Variants in MAN1A1 observed in about 807,000 individuals in gnomAD.
The protein encoded by MAN1A1 is mannosyl-oligosaccharide 1,2-alpha-mannosidase IA.
MAN1A1 carries 29 observed loss-of-function variants against 70.8 expected under a neutral mutation model. The observed-to-expected ratio is 0.41, with a 90% CI of 0.31 to 0.56. The LOEUF (loss-of-function observed/expected upper bound fraction) is 0.56, where lower values mean the gene tolerates loss of function less well. Ranked by LOEUF, MAN1A1 falls within the 20% of genes least tolerant of loss-of-function variation. MAN1A1 has a pLI of 0.29. For synonymous variants in MAN1A1, 349 were observed against 330.1 expected (o/e 1.06, Z -0.62); for missense variants, 747 against 841.3 (o/e 0.89, Z 1.39).
chr6:119,315,753 C>G (rs1772833461), intron 2 of MAN1A1, among the ~76,000 whole-genome samples: 1 of 152,164 alleles, frequency 6.6e-6, no homozygotes, highest in Non-Finnish European at 1.5e-5. Context: ...GAAGGAAGCA[C>G]TATTGCTGAG....
chr6:119,311,294 T>C (rs1026834751), intron 2 of MAN1A1, among the ~76,000 whole-genome samples: 11 of 152,116 alleles, frequency 7.2e-5, no homozygotes, highest in Non-Finnish European at 1.2e-4. Flanking sequence ...AACACATAAA[T>C]AGGAGGGACA....
At chr6:119,243,651 T>A (rs1775071765) in intron 6 of MAN1A1, among the ~76,000 whole-genome samples, 2 of 152,112 alleles carry the variant, frequency 1.3e-5, no homozygotes, top group African/African-American at 4.8e-5. Context: ...TATGTACTAT[T>A]CTTAATTAAA....
chr6:119,223,341 C>T (rs1463425793), intron 6 of MAN1A1, among the ~76,000 whole-genome samples: 1 of 151,934 alleles, frequency 6.6e-6, no homozygotes, highest in Non-Finnish European at 1.5e-5. Context: ...GCTTATAAAA[C>T]AAATCAAATA....
At chr6:119,292,101 T>A (rs1772046846) in intron 4 of MAN1A1, among the ~76,000 whole-genome samples, 1 of 152,062 alleles carries the variant, frequency 6.6e-6, no homozygotes, top group African/African-American at 2.4e-5. Flanking sequence ...CCTCACAGGA[T>A]AATGCACCAA....
chr6:119,252,072 CTTGT>C (rs1775333064), intron 5 of MAN1A1, among the ~76,000 whole-genome samples: 1 of 151,924 alleles, frequency 6.6e-6, no homozygotes, highest in African/African-American at 2.4e-5. Context: ...ATTTTATTTG[CTTGT>C]TTATTGTTTG....
chr6:119,291,809 C>T (rs1772032956), intron 4 of MAN1A1, among the ~76,000 whole-genome samples: 2 of 151,940 alleles, frequency 1.3e-5, no homozygotes, highest in African/African-American at 4.8e-5. Flanking sequence ...GTATGTTATA[C>T]CATGCTGAAA....
chr6:119,210,516 C>T (rs992603018), intron 6 of MAN1A1, among the ~76,000 whole-genome samples: 1 of 152,156 alleles, frequency 6.6e-6, no homozygotes, highest in Non-Finnish European at 1.5e-5. Flanking sequence ...ATCATTATTG[C>T]TGTTGAGTGC....
chr6:119,214,931 A>T (rs1246490371), intron 6 of MAN1A1, among the ~76,000 whole-genome samples: 1 of 72,356 alleles, frequency 1.4e-5, no homozygotes, highest in Non-Finnish European at 3.2e-5. Flanking sequence ...AGCATTATAA[A>T]ATGCTAAAAT....
chr6:119,349,450 T>A, intron 1 of MAN1A1, 92 bp downstream of exon 1: 1 of 923,680 alleles, frequency 1.1e-6, no homozygotes, highest in Non-Finnish European at 1.3e-6. Flanking sequence ...GGACTTGGGG[T>A]GAAGTTATCA....
intron 7 of MAN1A1, 37 bp from the exon 8 acceptor site, chr6:119,201,384 A>G (rs1346629250): frequency 7.0e-7 from 1 of 1,435,888 alleles, no homozygotes; most frequent in Non-Finnish European, 9.8e-7. Flanking sequence ...TGAAAATCTA[A>G]AAAACAATTT....
At chr6:119,269,694 C>A in intron 5 of MAN1A1, 1 of 152,902 alleles carries the variant, frequency 6.5e-6, no homozygotes. Context: ...GGCCAGTGAG[C>A]ACCAGGACCT....
intron 6 of MAN1A1, among the ~76,000 whole-genome samples, chr6:119,239,486 T>C (rs966580811): frequency 4.6e-5 from 7 of 152,212 alleles, no homozygotes; most frequent in Non-Finnish European, 8.8e-5. Context: ...ACTGAGACTG[T>C]GAGGCCTTTA....
At chr6:119,250,068 T>A (rs908736601) in intron 5 of MAN1A1, among the ~76,000 whole-genome samples, 2 of 152,134 alleles carry the variant, frequency 1.3e-5, no homozygotes, top group African/African-American at 4.8e-5. Flanking sequence ...TAACTTGTAG[T>A]GTATGGAGAG....
chr6:119,310,609 C>T (rs1306253153), intron 2 of MAN1A1, among the ~76,000 whole-genome samples: 1 of 152,100 alleles, frequency 6.6e-6, no homozygotes, highest in Non-Finnish European at 1.5e-5. Flanking sequence ...TCCACTCTAC[C>T]TAGGGAAGTG....
chr6:119,317,932 C>T (rs937207398), intron 2 of MAN1A1, among the ~76,000 whole-genome samples: 58 of 151,734 alleles, frequency 3.8e-4, no homozygotes, highest in African/African-American at 1.3e-3. Flanking sequence ...TTAAAATTGT[C>T]CATTATTAAT....
At chr6:119,249,644 T>C (rs1280249998) in intron 5 of MAN1A1, among the ~76,000 whole-genome samples, 1 of 152,082 alleles carries the variant, frequency 6.6e-6, no homozygotes, top group African/African-American at 2.4e-5. Context: ...GACAAAGAAG[T>C]CACGTGTGGC....
At chr6:119,247,981 T>C (rs1334241527) in intron 6 of MAN1A1, among the ~76,000 whole-genome samples, 1 of 152,224 alleles carries the variant, frequency 6.6e-6, no homozygotes, top group Admixed American at 6.5e-5. Context: ...GGAGACAGTA[T>C]CATTGATGCA....
At chr6:119,282,022 G>A (rs1043467642) in intron 5 of MAN1A1, among the ~76,000 whole-genome samples, 1 of 152,094 alleles carries the variant, frequency 6.6e-6, no homozygotes, top group Non-Finnish European at 1.5e-5. Context: ...AGCCAAGATC[G>A]CACCACTGCA....
chr6:119,209,615 T>G lies in MAN1A1; in HGVS notation c.993-4733A>C, dbSNP rs116176892. Among the ~76,000 whole-genome samples the G allele has an allele frequency of 8.2e-3, 1,247 of 152,322 alleles. 13 individuals carry two copies. The highest frequency in any genetic ancestry group is 0.028 in the African/African-American group (1,179 of 41,582). Reference sequence around the variant, plus strand: ...CAGATTGGGAAAGAATAATCAGAAATTTCATCAACGATTGCGTCATTTAGC... The same window carrying G: ...CAGATTGGGAAAGAATAATCAGAAAGTTCATCAACGATTGCGTCATTTAGC... On this transcript the variant is annotated intron_variant, in intron 6 of 12. Coordinates refer to ENST00000368468, the MANE Select transcript of MAN1A1 (RefSeq NM_005907.4).
Sources: gnomAD v4.1 joint callset for allele counts (sites outside exome capture counted in the v4.1 genomes callset) on GRCh38, gnomAD v4.1.1 for gene constraint, MANE v1.5 for transcripts, NCBI Gene and HGNC (gene_info 2026-07-23, HGNC 2026-07-21) for gene names.